TGS1: variants seen among roughly 807,000 people sequenced by gnomAD.
The protein encoded by TGS1 is trimethylguanosine synthase.
A neutral mutation model predicts 92.2 loss-of-function variants in TGS1; 69 were observed. That is an observed-to-expected ratio of 0.75 (90% CI 0.62 to 0.91). The LOEUF is 0.91. Among genes scored for constraint, TGS1 ranks in the 40% least tolerant of loss-of-function variants. TGS1 has a pLI of 0.00. For synonymous variants in TGS1, 345 were observed against 338.1 expected (o/e 1.02, Z -0.22); for missense variants, 1,062 against 1,001.2 (o/e 1.06, Z -0.82).
chr8:55,784,790 T>C (rs772873659), intron 2 of TGS1, among the ~76,000 whole-genome samples: 5 of 152,232 alleles, frequency 3.3e-5, no homozygotes, highest in Non-Finnish European at 7.3e-5. Flanking sequence ...TTAAATTCAC[T>C]GTCTTAGTTC....
chr8:55,811,308 C>T (rs1803334606), intron 11 of TGS1, among the ~76,000 whole-genome samples: 1 of 151,276 alleles, frequency 6.6e-6, no homozygotes, highest in Non-Finnish European at 1.5e-5. Flanking sequence ...ACTAAAAGTA[C>T]AAAAATTAGC....
intron 12 of TGS1, among the ~76,000 whole-genome samples, chr8:55,818,460 C>G (rs1446906432): frequency 6.6e-6 from 1 of 152,198 alleles, no homozygotes; most frequent in African/African-American, 2.4e-5. Context: ...TCCCAGTTTT[C>G]TAGACCAACT....
At chr8:55,808,479 G>A (rs777086463) in intron 10 of TGS1, among the ~76,000 whole-genome samples, 19 of 150,788 alleles carry the variant, frequency 1.3e-4, no homozygotes, top group Non-Finnish European at 2.4e-4. Context: ...CCGTCTATAT[G>A]TAGATATATA....
intron 2 of TGS1, among the ~76,000 whole-genome samples, chr8:55,784,864 G>A (rs890636583): frequency 2.0e-5 from 3 of 152,130 alleles, no homozygotes; most frequent in Non-Finnish European, 2.9e-5. Flanking sequence ...GGGTTACATG[G>A]CCTGTTCTGT....
rs773696362 is a variant in TGS1, at chr8:55,787,075, G to T, written c.1162+15G>T. The T allele has an allele frequency of 7.0e-6, 11 of 1,575,812 alleles. No homozygotes were observed. The highest frequency in any genetic ancestry group is 9.5e-6 in the Non-Finnish European group (11 of 1,158,078). ...ACCAGCTGAGGGTAAGATTAACCAAGATTTATTCTGCCATGTAATGGTTAG... is the reference window on the plus strand; with the variant it reads ...ACCAGCTGAGGGTAAGATTAACCAATATTTATTCTGCCATGTAATGGTTAG... On this transcript the variant is annotated intron_variant, in intron 4 of 12. Coordinates refer to ENST00000260129, the MANE Select transcript of TGS1 (RefSeq NM_024831.8).
chr8:55,824,692 T>G lies in TGS1; in HGVS notation c.2551T>G (p.Ser851Ala), dbSNP rs2130272332. The G allele has an allele frequency of 6.2e-7, 1 of 1,614,144 alleles. No homozygotes were observed. Among genetic ancestry groups the G allele is most frequent in the African/African-American group, 1.3e-5 (1 of 75,032 alleles). ...TGGTGACCTAATTCGAAGACCAGCC[T>G]CTGAAACCTAACTATGCAGCAGTGC... ...YFGDLIRRPA[S>A]ET is the part of the protein sequence containing the mutation. Residue 851 changes from serine to alanine, a missense_variant, in exon 13 of 13, where the codon TCT becomes GCT. Coordinates refer to ENST00000260129, the MANE Select transcript of TGS1 (RefSeq NM_024831.8).
intron 10 of TGS1, among the ~76,000 whole-genome samples, chr8:55,805,731 A>G (rs1210864039): frequency 6.6e-6 from 1 of 151,922 alleles, no homozygotes; most frequent in Non-Finnish European, 1.5e-5. Flanking sequence ...TAAAATTACA[A>G]AAATTAGCTG....
intron 2 of TGS1, among the ~76,000 whole-genome samples, chr8:55,785,234 T>G (rs543046596): frequency 6.8e-6 from 1 of 147,248 alleles, no homozygotes; most frequent in African/African-American, 2.6e-5. Flanking sequence ...TTTTATATTT[T>G]TGGTAGAGAC....
intron 9 of TGS1, among the ~76,000 whole-genome samples, 160 bp downstream of exon 9, chr8:55,802,766 ATGTG>A (rs1449681879): frequency 2.0e-5 from 3 of 152,186 alleles, no homozygotes; most frequent in African/African-American, 7.2e-5. Context: ...CTCCATATGT[ATGTG>A]TGTGTATCTT....
chr8:55,812,375 A>G (rs928098419), intron 11 of TGS1, among the ~76,000 whole-genome samples: 12 of 151,936 alleles, frequency 7.9e-5, no homozygotes, highest in African/African-American at 2.7e-4. Flanking sequence ...TAAAAATACA[A>G]AAATTAGCTG....
intron 10 of TGS1, among the ~76,000 whole-genome samples, chr8:55,806,356 CAAA>C (rs1047234489): frequency 2.6e-5 from 1 of 39,002 alleles, no homozygotes; most frequent in Non-Finnish European, 5.3e-5. Flanking sequence ...GACTCCACCT[CAAA>C]AAAAAAAAAA....
At chr8:55,789,746 G>A (rs1214607428) in intron 4 of TGS1, among the ~76,000 whole-genome samples, 3 of 152,154 alleles carry the variant, frequency 2.0e-5, no homozygotes, top group Non-Finnish European at 4.4e-5. Flanking sequence ...GATGTACAAC[G>A]TACAGAAGGT....
At chr8:55,815,943 T>TTTAC (rs1402570376) in intron 12 of TGS1, among the ~76,000 whole-genome samples, 1 of 146,652 alleles carries the variant, frequency 6.8e-6, no homozygotes, top group Non-Finnish European at 1.5e-5. Context: ...TATTTATTTA[T>TTTAC]TTATTTTATT....
Position 55,786,424 on chromosome 8 carries a change from G to A in TGS1, c.526G>A (p.Asp176Asn), listed in dbSNP as rs779234882. 6.0e-5 allele frequency: 96 copies of A among 1,613,272 alleles called. No homozygotes were observed. In the South Asian group the frequency reaches 1.0e-3, roughly 17 times the overall value. Reference sequence around the variant, plus strand: ...AACATATGAACTTCAAAGCAAAAAAGATACTGAGACAGAAAATCCTCCAGT... The same window carrying A: ...AACATATGAACTTCAAAGCAAAAAAAATACTGAGACAGAAAATCCTCCAGT... ...TRTYELQSKKDTETENPPVEN... is the reference protein window; with the variant it reads ...TRTYELQSKKNTETENPPVEN... The change falls in exon 4 of 13, where the codon GAT becomes AAT. Residue 176 changes from aspartate to asparagine, a missense_variant. Physicochemically the swap from Asp to Asn is conservative, Grantham distance 23 (BLOSUM62 1). Coordinates refer to ENST00000260129, the MANE Select transcript of TGS1 (RefSeq NM_024831.8).
intron 2 of TGS1, among the ~76,000 whole-genome samples, chr8:55,783,506 G>A (rs1009271427): frequency 2.0e-5 from 3 of 152,080 alleles, no homozygotes; most frequent in African/African-American, 4.8e-5. Context: ...AAAATGCTAC[G>A]GGATAAAAAT....
chr8:55,781,768 A>T (rs1489961199), intron 1 of TGS1, among the ~76,000 whole-genome samples: 1 of 152,250 alleles, frequency 6.6e-6, no homozygotes, highest in Non-Finnish European at 1.5e-5. Context: ...CAAGTACACT[A>T]GAATTTTATT....
Position 55,802,492 on chromosome 8 carries a change from A to C in TGS1, c.1885A>C (p.Lys629Gln). The stretch of plus-strand genomic sequence containing the variant: ...AAAGAAGAAGAACAAGAAGAAGAAC[A>C]AAAAGGTGAATGGTCTGCCTCCTGA... ...VKKKKNKKKN[K>Q]KVNGLPPEIA... Residue 629 changes from lysine to glutamine, a missense_variant, in exon 9 of 13, where the codon AAA becomes CAA. Coordinates refer to ENST00000260129, the MANE Select transcript of TGS1 (RefSeq NM_024831.8). The C allele has an allele frequency of 6.2e-7, 1 of 1,613,962 alleles. No individual in the cohort carries two copies. Among genetic ancestry groups the C allele is most frequent in the East Asian group, 2.2e-5 (1 of 44,882 alleles).
At position 55,783,522 on chromosome 8, in the gene TGS1, G is replaced by A. The variant is rs188769085; in HGVS notation, c.166+710G>A. Among the ~76,000 whole-genome samples the A allele has an allele frequency of 3.9e-5, 6 of 152,274 alleles. No homozygotes were observed. The East Asian group carries it at 7.7e-4, about 20-fold the overall frequency. On this transcript the variant is annotated intron_variant, in intron 2 of 12. Transcript: ENST00000260129. ...AAATGCTACGGGATAAAAATTCCAG[G>A]TGAACATCTATAGTCTTTTGCCTGA...
chr8:55,814,334 TA>T (rs1803415068), intron 12 of TGS1, among the ~76,000 whole-genome samples: 1 of 152,102 alleles, frequency 6.6e-6, no homozygotes, highest in Non-Finnish European at 1.5e-5. Flanking sequence ...AGTTAATTTT[TA>T]AACTGCCCAA....
Sources: allele counts gnomAD v4.1 joint callset (sites outside exome capture counted in the v4.1 genomes callset), GRCh38; gene constraint gnomAD v4.1.1; transcripts MANE v1.5; gene names NCBI Gene and HGNC (gene_info 2026-07-23, HGNC 2026-07-21).